GPC5: variants seen among roughly 807,000 people sequenced by gnomAD.
The protein encoded by GPC5 is glypican-5.
In GPC5, 47 loss-of-function variants were observed where a neutral mutation model predicts 53.9. The observed-to-expected ratio is 0.87, with a 90% CI of 0.69 to 1.11. GPC5 has a LOEUF of 1.11. Ranked by LOEUF, GPC5 falls within the 50% of genes most tolerant of loss-of-function variation. The probability of loss-of-function intolerance (pLI) is 0.00; values close to 1 mark genes in which losing one functional copy is unlikely to be tolerated. For missense variants in GPC5, 748 were observed against 713.1 expected (o/e 1.05, Z -0.56); for synonymous variants, 286 against 263.3 (o/e 1.09, Z -0.84).
chr13:92,538,695 G>T (rs147811628), intron 7 of GPC5, among the ~76,000 whole-genome samples: 4,974 of 138,700 alleles, frequency 0.036, 181 homozygotes, highest in African/African-American at 0.089. Context: ...TCCCACTTAT[G>T]AGTGAGAACA....
chr13:92,207,539 C>T (rs1377470644), intron 7 of GPC5, among the ~76,000 whole-genome samples: 1 of 152,222 alleles, frequency 6.6e-6, no homozygotes, highest in East Asian at 1.9e-4. Flanking sequence ...CTCCCCACCT[C>T]TACTTCTCCT....
intron 7 of GPC5, among the ~76,000 whole-genome samples, chr13:92,618,516 A>C (rs975794512): frequency 6.6e-6 from 1 of 151,988 alleles, no homozygotes; most frequent in Non-Finnish European, 1.5e-5. Flanking sequence ...AAGATACACC[A>C]TGGGTAAGGA....
At chr13:92,332,711 GAA>G (rs1302780024) in intron 7 of GPC5, among the ~76,000 whole-genome samples, 2 of 152,072 alleles carry the variant, frequency 1.3e-5, no homozygotes, top group Non-Finnish European at 2.9e-5. Context: ...GACAAAAACA[GAA>G]AAAGACTATT....
At chr13:91,857,987 T>TA (rs1429512355) in intron 5 of GPC5, among the ~76,000 whole-genome samples, 1 of 151,662 alleles carries the variant, frequency 6.6e-6, no homozygotes, top group Admixed American at 6.6e-5. Context: ...ATTATATATA[T>TA]ATCTTATGTG....
At chr13:92,389,745 G>A (rs1874908788) in intron 7 of GPC5, among the ~76,000 whole-genome samples, 1 of 152,060 alleles carries the variant, frequency 6.6e-6, no homozygotes, top group Non-Finnish European at 1.5e-5. Flanking sequence ...ATAAAGACAA[G>A]CAGGACAGTC....
chr13:92,615,919 T>C (rs1297305663), intron 7 of GPC5, among the ~76,000 whole-genome samples: 1 of 152,082 alleles, frequency 6.6e-6, no homozygotes, highest in African/African-American at 2.4e-5. Flanking sequence ...CCGGGCATAG[T>C]GGCAGGTGCC....
chr13:92,592,119 A>C (rs1159985319), intron 7 of GPC5, among the ~76,000 whole-genome samples: 1 of 152,198 alleles, frequency 6.6e-6, no homozygotes, highest in Non-Finnish European at 1.5e-5. Flanking sequence ...GTGTGTAAAG[A>C]CCATATTCCA....
intron 7 of GPC5, among the ~76,000 whole-genome samples, chr13:92,632,461 CACATATATAT>C (rs1034865822): frequency 0.014 from 836 of 58,108 alleles, 17 homozygotes; most frequent in African/African-American, 0.028. Context: ...GAAAATATTC[CACATATATAT>C]ATATATATAT....
intron 2 of GPC5, among the ~76,000 whole-genome samples, chr13:91,638,170 C>G (rs942136962): frequency 6.6e-6 from 1 of 152,148 alleles, no homozygotes; most frequent in Non-Finnish European, 1.5e-5. Context: ...ACCTAGAAAC[C>G]AGGTGGACAG....
intron 6 of GPC5, among the ~76,000 whole-genome samples, chr13:92,101,061 A>G (rs1035383983): frequency 2.0e-5 from 3 of 152,206 alleles, no homozygotes; most frequent in Non-Finnish European, 4.4e-5. Context: ...GACATTAATA[A>G]TAATAGTCTT....
chr13:92,089,063 C>T (rs1288648148), intron 6 of GPC5, among the ~76,000 whole-genome samples: 4 of 152,020 alleles, frequency 2.6e-5, no homozygotes, highest in African/African-American at 7.3e-5. Flanking sequence ...TGGAGAAGTA[C>T]GAAATTAAAG....
intron 2 of GPC5, among the ~76,000 whole-genome samples, chr13:91,568,384 T>C (rs1036512848): frequency 2.0e-5 from 3 of 152,170 alleles, no homozygotes; most frequent in Non-Finnish European, 4.4e-5. Flanking sequence ...GTTTGAGAAC[T>C]GAACAAACTT....
intron 7 of GPC5, among the ~76,000 whole-genome samples, chr13:92,151,497 A>G (rs938254853): frequency 1.3e-5 from 2 of 152,142 alleles, no homozygotes; most frequent in African/African-American, 2.4e-5. Flanking sequence ...AGAAGGCATC[A>G]TATGATTAAG....
At chr13:91,430,864 T>C (rs57994133) in intron 1 of GPC5, among the ~76,000 whole-genome samples, 2 of 152,244 alleles carry the variant, frequency 1.3e-5, no homozygotes, top group Admixed American at 6.5e-5. Flanking sequence ...GCTGGTGATA[T>C]GCCAAGTAAT....
chr13:91,690,569 T>C (rs957714745), intron 2 of GPC5, among the ~76,000 whole-genome samples: 7 of 152,226 alleles, frequency 4.6e-5, no homozygotes, highest in African/African-American at 1.7e-4. Flanking sequence ...ACATTGCTTT[T>C]ACAATATAAA....
intron 3 of GPC5, among the ~76,000 whole-genome samples, chr13:91,697,184 C>G (rs1042002646): frequency 1.3e-5 from 2 of 152,120 alleles, no homozygotes; most frequent in African/African-American, 4.8e-5. Context: ...TGCTCTGTCA[C>G]CAGGCTGGAG....
At chr13:92,215,311 C>T (rs1336146787) in intron 7 of GPC5, among the ~76,000 whole-genome samples, 3 of 152,134 alleles carry the variant, frequency 2.0e-5, no homozygotes, top group South Asian at 2.1e-4. Context: ...TCTTTTTATA[C>T]AGCTCGAACA....
At position 92,513,815 on chromosome 13, in the gene GPC5, T is replaced by C. The variant is rs549792493; in HGVS notation, c.1562-352467T>C. Among the ~76,000 whole-genome samples, 53 of 152,340 alleles carry C rather than the reference T, an allele frequency of 3.5e-4. 1 individual carries two copies. In the Middle Eastern group the frequency reaches 0.024, roughly 68 times the overall value. Reference sequence around the variant, plus strand: ...ATAGCCTGAAGGTAATTTTATACCATATTTTTAGTAATTTTGTTCACAAAA... The same window carrying C: ...ATAGCCTGAAGGTAATTTTATACCACATTTTTAGTAATTTTGTTCACAAAA... On this transcript the variant is annotated intron_variant, in intron 7 of 7. Transcript: ENST00000377067.
intron 5 of GPC5, among the ~76,000 whole-genome samples, chr13:91,769,157 G>A (rs561526258): frequency 6.6e-6 from 1 of 152,318 alleles, no homozygotes; most frequent in East Asian, 1.9e-4. Flanking sequence ...GCAGTCTTGA[G>A]TCCAAAGGTG....
Sources: allele counts gnomAD v4.1 joint callset (sites outside exome capture counted in the v4.1 genomes callset), GRCh38; gene constraint gnomAD v4.1.1; transcripts MANE v1.5; gene names NCBI Gene and HGNC (gene_info 2026-07-23, HGNC 2026-07-21).